LRP3: variants seen among roughly 807,000 people sequenced by gnomAD.
The protein encoded by LRP3 is low-density lipoprotein receptor-related protein 3.
A neutral mutation model predicts 58.5 loss-of-function variants in LRP3; 49 were observed. That is an observed-to-expected ratio of 0.84 (90% CI 0.67 to 1.06). LRP3 has a LOEUF of 1.06. LRP3 is among the 50% of genes least tolerant of loss of function. LRP3 has a pLI of 0.00. For synonymous variants in LRP3, 485 were observed against 492.2 expected, an observed-to-expected ratio of 0.99 and a Z score of 0.20; for missense variants, 1,019 against 1,134.2, an observed-to-expected ratio of 0.90 and a Z score of 1.46.
At chr19:33,196,387 T>C (rs562217235) in intron 1 of LRP3, among the ~76,000 whole-genome samples, 1 of 151,796 alleles carries the variant, frequency 6.6e-6, no homozygotes, top group Admixed American at 6.5e-5. Flanking sequence ...ACCTCATCTC[T>C]ACAAAAATAA....
chr19:33,197,959 C>T (rs556156951), intron 2 of LRP3, among the ~76,000 whole-genome samples: 1 of 152,334 alleles, frequency 6.6e-6, no homozygotes, highest in South Asian at 2.1e-4. Flanking sequence ...CCGGGCCTTG[C>T]TCAGCGCTGA....
rs531536576 is a variant in LRP3, at chr19:33,196,029, C to T, written c.74-701C>T. ...CCCCGACTCTGGGCCCGTAACCCCC[C>T]GGGCCAGAGCAGAAGGTGAAAGTAA... On this transcript the variant is annotated intron_variant, in intron 1 of 6. Transcript: ENST00000253193. Among the ~76,000 whole-genome samples the T allele has an allele frequency of 3.3e-5, 5 of 152,192 alleles. No individual in the cohort carries two copies. In the East Asian group the frequency reaches 7.7e-4, roughly 23 times the overall value.
rs368596989 is a variant in LRP3, at chr19:33,207,107, G to T, written c.1845G>T (p.Pro615=). ...TCTGGAACCGGCTCTTTCACCGGCC[G>T]CGGGCGCCCCGAGGCCAGATCCCAC... ...GRLWNRLFHR[P]RAPRGQIPLL... The change falls in exon 7 of 7, where the codon CCG becomes CCT. Residue 615 remains proline, a synonymous_variant. Coordinates refer to ENST00000253193, the MANE Select transcript of LRP3 (RefSeq NM_002333.4). The T allele has an allele frequency of 2.6e-6, 4 of 1,526,064 alleles. No homozygotes were observed. The African/African-American group carries it at 4.2e-5, about 16-fold the overall frequency. 94.5% of individuals were successfully genotyped at this position (1,526,064 alleles called of 1,614,324 possible). A position where few individuals can be genotyped will look rare whatever the true frequency, so the allele number is the denominator to read the frequency against.
At position 33,204,296 on chromosome 19, in the gene LRP3, G is replaced by A. The variant is rs78347008; in HGVS notation, c.261-342G>A. Reference sequence around the variant, plus strand: ...CACTGCCCTTTTGGGGAGGGTGTCGGGGCAGGGGGCTCTTGACTTCCTGCT... The same window carrying A: ...CACTGCCCTTTTGGGGAGGGTGTCGAGGCAGGGGGCTCTTGACTTCCTGCT... On this transcript the variant is annotated intron_variant, in intron 3 of 6. Transcript: ENST00000253193. 7.4e-4 allele frequency: 231 copies of A among 313,540 alleles called. 1 individual carries two copies. The East Asian group carries it at 0.014, about 20-fold the overall frequency. 19.4% of individuals were successfully genotyped at this position (313,540 alleles called of 1,614,324 possible).
chr19:33,203,393 C>T (rs1974364763), intron 3 of LRP3, among the ~76,000 whole-genome samples: 1 of 152,124 alleles, frequency 6.6e-6, no homozygotes, highest in Admixed American at 6.5e-5. Context: ...TCGGAGAAGA[C>T]ATAAAGGACA....
In LRP3 at chr19:33,204,837, C is replaced by G; in HGVS notation, c.460C>G (p.Leu154Val). Reference sequence around the variant, plus strand: ...CTCCGGCCAGGCCCAGGGCTTCCGTCTGTCTTACATCCGAGGTGATGGAGG... The same window carrying G: ...CTCCGGCCAGGCCCAGGGCTTCCGTGTGTCTTACATCCGAGGTGATGGAGG... ...SSSGQAQGFR[L>V]SYIRGKLGQA... Residue 154 changes from leucine (L) to valine (V), a missense_variant, in exon 4 of 7, where the codon CTG becomes GTG. Physicochemically the swap from Leu to Val is conservative, Grantham distance 32 (BLOSUM62 1). This residue lies in a region of LRP3 where 592 missense variants were observed against 725.5 expected (regional missense o/e 0.82). Coordinates refer to ENST00000253193, the MANE Select transcript of LRP3 (RefSeq NM_002333.4). The G allele has an allele frequency of 5.0e-6, 8 of 1,613,388 alleles. No individual in the cohort carries two copies. Among genetic ancestry groups the G allele is most frequent in the Non-Finnish European group, 5.9e-6 (7 of 1,179,942 alleles).
At position 33,206,063 on chromosome 19, in the gene LRP3, C is replaced by T; in HGVS notation, c.1293C>T (p.Tyr431=). ...YPCEGGSGLC[Y]TPADRCNNQK... is the part of the protein sequence containing the mutation. ...GCGAGGGTGGCAGTGGTCTGTGCTA[C>T]ACGCCTGCCGACCGCTGCAACAACC... Residue 431 remains tyrosine, a synonymous_variant, in exon 5 of 7, where the codon TAC becomes TAT. Transcript: ENST00000253193. The T allele has an allele frequency of 6.2e-7, 1 of 1,605,108 alleles. No homozygotes were observed. Among genetic ancestry groups the T allele is most frequent in the East Asian group, 2.2e-5 (1 of 44,488 alleles).
At chr19:33,206,499 T>A (rs768433259) in intron 5 of LRP3, 102 bp from the exon 6 acceptor site, 1 of 1,588,006 alleles carries the variant, frequency 6.3e-7, no homozygotes, top group Non-Finnish European at 8.5e-7. Flanking sequence ...GGTCCCTATA[T>A]CTTGGGGTGT....
At position 33,207,757 on chromosome 19, in the gene LRP3, G is replaced by GC. The variant is rs1243112793; in HGVS notation, c.*182_*183insC. 7 of 598,964 alleles carry GC rather than the reference G, an allele frequency of 1.2e-5. No individual in the cohort carries two copies. Among genetic ancestry groups the GC allele is most frequent in the African/African-American group, 1.1e-4 (6 of 53,622 alleles). The allele number at this position is 598,964 out of a possible 1,614,324, so 37.1% of individuals were successfully genotyped here. On this transcript the variant is annotated 3_prime_UTR_variant, in exon 7 of 7. Transcript: ENST00000253193. ...GGAGCTGTGGGACTGAACGGCGGGG[G>GC]GGAGAAGAGTGGAGTGGTGAGCCCG...
intron 1 of LRP3, among the ~76,000 whole-genome samples, chr19:33,195,167 C>T (rs1006560122): frequency 3.9e-5 from 6 of 152,154 alleles, no homozygotes; most frequent in African/African-American, 1.4e-4. Flanking sequence ...AGCCTGGAGA[C>T]GAGGGGGCCC....
Position 33,205,223 on chromosome 19 carries a change from C to T in LRP3, c.476-23C>T, listed in dbSNP as rs74612167. ...AGGCTCTTCTGTCTCCTGACTGTCC[C>T]CTGCTACGTCTCCACCCCACAGGGA... is the stretch of plus-strand genomic sequence containing the variant. On this transcript the variant is annotated intron_variant, in intron 4 of 6. Transcript: ENST00000253193. The T allele has an allele frequency of 5.8e-4, 928 of 1,598,004 alleles. 6 individuals carry two copies. In the African/African-American group the frequency reaches 0.011, roughly 18 times the overall value.
At chr19:33,197,975 C>T (rs1181440227) in intron 2 of LRP3, among the ~76,000 whole-genome samples, 2 of 152,184 alleles carry the variant, frequency 1.3e-5, no homozygotes, top group African/African-American at 4.8e-5. Context: ...GCTGACCTAG[C>T]CCCAGCCCTG....
In LRP3 at chr19:33,205,514, C is replaced by T. The variant is rs1156504144; in HGVS notation, c.744C>T (p.Gly248=). ...GCGGCGACGGCTCGGATGAGGCGGGCTGCCCCGACCTGGCGTGCGGCCGGC... is the reference window on the plus strand; with the variant it reads ...GCGGCGACGGCTCGGATGAGGCGGGTTGCCCCGACCTGGCGTGCGGCCGGC... The part of the protein sequence containing the change: ...QDCGDGSDEA[G]CPDLACGRRL... Residue 248 remains glycine (G), a synonymous_variant, in exon 5 of 7, where the codon GGC becomes GGT. Coordinates refer to ENST00000253193, the MANE Select transcript of LRP3 (RefSeq NM_002333.4). 6.5e-7 allele frequency: 1 copy of T among 1,549,288 alleles called. No individual in the cohort carries two copies. Among genetic ancestry groups the T allele is most frequent in the Non-Finnish European group, 8.7e-7 (1 of 1,152,512 alleles).
At chr19:33,201,653 G>A (rs537457590) in intron 2 of LRP3, among the ~76,000 whole-genome samples, 1 of 152,284 alleles carries the variant, frequency 6.6e-6, no homozygotes. Flanking sequence ...CTCGGGAAAG[G>A]GGTCGTCCCT....
rs1223613948 is a variant in LRP3, at chr19:33,194,565, G to T, written c.-221G>T. The T allele has an allele frequency of 6.8e-6, 1 of 147,298 alleles. No homozygotes were observed. Among genetic ancestry groups the T allele is most frequent in the Non-Finnish European group, 1.5e-5 (1 of 66,246 alleles). 9.1% of individuals were successfully genotyped at this position (147,298 alleles called of 1,614,324 possible). A position where few individuals can be genotyped will look rare whatever the true frequency, so the allele number is the denominator to read the frequency against. On this transcript the variant is annotated 5_prime_UTR_variant, in exon 1 of 7. Coordinates refer to ENST00000253193, the MANE Select transcript of LRP3 (RefSeq NM_002333.4). ...CCGCAGGGCCCGTGACGCCGCGGCCGATGTGGCCGCGCGCGCCCTACGGGC... is the reference window on the plus strand; with the variant it reads ...CCGCAGGGCCCGTGACGCCGCGGCCTATGTGGCCGCGCGCGCCCTACGGGC...
In LRP3 at chr19:33,205,408, C is replaced by G. The variant is rs1199051958; in HGVS notation, c.638C>G (p.Pro213Arg). The G allele has an allele frequency of 5.0e-6, 8 of 1,594,380 alleles. No homozygotes were observed. Among genetic ancestry groups the G allele is most frequent in the Non-Finnish European group, 6.8e-6 (8 of 1,169,632 alleles). Residue 213 changes from proline (P) to arginine (R), a missense_variant, in exon 5 of 7, where the codon CCC becomes CGC. By Grantham distance (103) the Pro-to-Arg change is moderately radical (BLOSUM62 -2). Around this residue, in one of 2 missense-constraint regions of LRP3, gnomAD observed 592 missense variants for 725.5 expected, o/e 0.82. Coordinates refer to ENST00000253193, the MANE Select transcript of LRP3 (RefSeq NM_002333.4). ...TCCGAGCCTCCAGGCAGCCTGTGCC[C>G]CGGGGGGACCTTCCCATGCAGCGGG... ...PASEPPGSLC[P>R]GGTFPCSGAR... is the part of the protein sequence containing the mutation.
intron 1 of LRP3, among the ~76,000 whole-genome samples, chr19:33,195,959 T>C (rs895291620): frequency 3.3e-5 from 5 of 152,020 alleles, no homozygotes; most frequent in African/African-American, 1.2e-4. Flanking sequence ...CCAGGCGGGA[T>C]CTGACACACA....
rs1250058536 is a variant in LRP3, at chr19:33,207,480, C to T, written c.2218C>T (p.His740Tyr). 6.2e-7 allele frequency: 1 copy of T among 1,600,966 alleles called. No homozygotes were observed. The highest frequency in any genetic ancestry group is 1.3e-5 in the African/African-American group (1 of 74,884). Residue 740 changes from histidine (H) to tyrosine (Y), a missense_variant, in exon 7 of 7, where the codon CAC becomes TAC. Physicochemically the swap from His to Tyr is moderately conservative, Grantham distance 83. Around this residue, in one of 2 missense-constraint regions of LRP3, gnomAD observed 427 missense variants for 408.6 expected, o/e 1.04. Transcript: ENST00000253193. ...VSTASSTLGP[H>Y]SPEPLGVCRN... is the part of the protein sequence containing the mutation. ...CACTGCCAGCAGCACCCTGGGCCCCCACTCGCCAGAGCCACTGGGGGTCTG... is the reference window on the plus strand; with the variant it reads ...CACTGCCAGCAGCACCCTGGGCCCCTACTCGCCAGAGCCACTGGGGGTCTG...
rs1383343515 is a variant in LRP3 at position 33,194,675 on chromosome 19, T to G, written c.-111T>G. 2 of 211,298 alleles carry G rather than the reference T, an allele frequency of 9.5e-6. No individual in the cohort carries two copies. The highest frequency in any genetic ancestry group is 7.8e-5 in the Admixed American group (1 of 12,750). The allele number at this position is 211,298 out of a possible 1,614,324, so 13.1% of individuals were successfully genotyped here. A position where few individuals can be genotyped will look rare whatever the true frequency, so the allele number is the denominator to read the frequency against. ...GCCACGCCAGCCGGAGCCCGAGCCC[T>G]AGCCCGAGCCCGAGCCCGAGCCGCA... On this transcript the variant is annotated 5_prime_UTR_variant, in exon 1 of 7. Coordinates refer to ENST00000253193, the MANE Select transcript of LRP3 (RefSeq NM_002333.4).
Sources: gnomAD v4.1 joint callset for allele counts (sites outside exome capture counted in the v4.1 genomes callset) on GRCh38, gnomAD v4.1.1 for gene constraint, gnomAD v4.1.1 regional missense constraint, MANE v1.5 for transcripts, NCBI Gene and HGNC (gene_info 2026-07-23, HGNC 2026-07-21) for gene names.